Variants in CELF2 observed in about 807,000 individuals in gnomAD.
CELF2 encodes CUGBP Elav-like family member 2.
Under a neutral mutation model 62.6 loss-of-function variants are expected in CELF2, and 8 were observed. The observed-to-expected ratio is 0.13, with a 90% CI of 0.07 to 0.23. The LOEUF (loss-of-function observed/expected upper bound fraction) is 0.23, where lower values mean the gene tolerates loss of function less well. Among genes scored for constraint, CELF2 ranks in the 10% least tolerant of loss-of-function variants. The probability of loss-of-function intolerance (pLI) is 1.00; values close to 1 mark genes in which losing one functional copy is unlikely to be tolerated. For missense variants in CELF2, 333 were observed against 671.0 expected, an observed-to-expected ratio of 0.50 and a Z score of 5.56; for synonymous variants, 258 against 250.0, an observed-to-expected ratio of 1.03 and a Z score of -0.30.
the CELF2 span, among the ~76,000 whole-genome samples, chr10:10,758,938 C>A: frequency 6.6e-6 from 1 of 152,162 alleles, no homozygotes; most frequent in Non-Finnish European, 1.5e-5. Context: ...TTAAAACTGC[C>A]TGTTGAACAA....
At chr10:10,907,615 A>G (rs772361329) in intron 1 of CELF2, among the ~76,000 whole-genome samples, 1 of 148,976 alleles carries the variant, frequency 6.7e-6, no homozygotes, top group Non-Finnish European at 1.5e-5. Context: ...TAGCTCTTTT[A>G]CTGTTGATTC....
rs1046922963 is a variant in CELF2, at chr10:11,255,951, G to T, written c.404-1787G>T. On this transcript the variant is annotated intron_variant, in intron 4 of 12. Transcript: ENST00000633077. This position sits in a 1 kb window ranked among gnomAD's most constrained non-coding sequence, Gnocchi z 5.5. ...CTTGGAGGAGACACAGCAGGGGAAGGAATCCTTGGCTGGGAGGAGGACTCC... is the reference window on the plus strand; with the variant it reads ...CTTGGAGGAGACACAGCAGGGGAAGTAATCCTTGGCTGGGAGGAGGACTCC... Among the ~76,000 whole-genome samples the T allele has an allele frequency of 2.6e-5, 4 of 152,164 alleles. No individual in the cohort carries two copies. The highest frequency in any genetic ancestry group is 9.7e-5 in the African/African-American group (4 of 41,426).
the CELF2 span, among the ~76,000 whole-genome samples, chr10:10,591,892 A>G: frequency 6.6e-6 from 1 of 152,150 alleles, no homozygotes; most frequent in African/African-American, 2.4e-5. Flanking sequence ...GCTACCTGGG[A>G]GTCTATGTGT....
chr10:10,569,392 C>A, the CELF2 span, among the ~76,000 whole-genome samples: 2 of 152,102 alleles, frequency 1.3e-5, no homozygotes, highest in Non-Finnish European at 2.9e-5. Context: ...GACTTACTCA[C>A]TACCACGAGA....
the CELF2 span, among the ~76,000 whole-genome samples, chr10:10,522,239 A>G: frequency 6.6e-6 from 1 of 152,366 alleles, no homozygotes. Flanking sequence ...TTATCAAGAT[A>G]TCGAAAGTAG....
chr10:10,745,133 CAAAAA>C, the CELF2 span, among the ~76,000 whole-genome samples: 1 of 78,612 alleles, frequency 1.3e-5, no homozygotes, highest in African/African-American at 3.9e-5. Flanking sequence ...AAAAACAAAA[CAAAAA>C]AAAACTATGA....
At position 11,075,227 on chromosome 10, in the gene CELF2, G is replaced by C. The variant is rs925692234; in HGVS notation, c.74+57064G>C. ...GCCCCACTCTGTGGCTCCTTCATTT[G>C]TAAGGGATGTTCAGGAGTCATCAGA... On this transcript the variant is annotated intron_variant, in intron 1 of 12. Coordinates refer to ENST00000633077, the MANE Select transcript of CELF2 (RefSeq NM_001326342.2). This position sits in a 1 kb window ranked among gnomAD's most constrained non-coding sequence, Gnocchi z 5.4. 3 of 152,186 alleles carry C rather than the reference G, an allele frequency of 2.0e-5. No individual in the cohort carries two copies. The highest frequency in any genetic ancestry group is 7.2e-5 in the African/African-American group (3 of 41,442). 9.4% of individuals were successfully genotyped at this position (152,186 alleles called of 1,614,324 possible).
intron 2 of CELF2, among the ~76,000 whole-genome samples, chr10:10,921,482 G>C (rs2064905280): frequency 6.6e-6 from 1 of 151,938 alleles, no homozygotes; most frequent in South Asian, 2.1e-4. Flanking sequence ...TTGGCCAGCT[G>C]GTCTCGAACT....
At chr10:10,784,000 A>G in the CELF2 span, among the ~76,000 whole-genome samples, 3 of 152,098 alleles carry the variant, frequency 2.0e-5, no homozygotes, top group Non-Finnish European at 4.4e-5. Flanking sequence ...AAAAAAAAAT[A>G]AATAAAGAAC....
intron 1 of CELF2, among the ~76,000 whole-genome samples, chr10:11,164,265 AG>A (rs1483678965): frequency 6.6e-6 from 1 of 152,172 alleles, no homozygotes; most frequent in Non-Finnish European, 1.5e-5. Context: ...GAGCGGGGGT[AG>A]GGGGCACAAA....
In CELF2 at chr10:10,884,255, T is replaced by TA. The variant is rs373733511; in HGVS notation, c.54-35709_54-35708insA. On this transcript the variant is annotated intron_variant, in intron 1 of 13. Transcript: ENST00000636488. ...TCTATGAAGAACAGCTGTGACTAAATGGGGTTTTCCTAAATGAGGGAGCTG... is the reference window on the plus strand; with the variant it reads ...TCTATGAAGAACAGCTGTGACTAAATAGGGGTTTTCCTAAATGAGGGAGCTG... Among the ~76,000 whole-genome samples the TA allele has an allele frequency of 8.5e-3, 1,288 of 152,256 alleles. 27 individuals are homozygous for TA. Among genetic ancestry groups the TA allele is most frequent in the African/African-American group, 0.029 (1,224 of 41,538 alleles).
chr10:10,640,798 A>G, the CELF2 span, among the ~76,000 whole-genome samples: 1 of 152,240 alleles, frequency 6.6e-6, no homozygotes, highest in African/African-American at 2.4e-5. Context: ...ACTTAACATG[A>G]CAAAATCCTT....
chr10:11,333,093 TCAACCC>T lies in CELF2; in HGVS notation c.*4041_*4046del, dbSNP rs1334395077. ...TCCCCTCCCCATCTCCCTCTCAACCTCAACCCACCTGCATGCATCTCCCCCAGAGGA... is the reference window on the plus strand; with the variant it reads ...TCCCCTCCCCATCTCCCTCTCAACCTACCTGCATGCATCTCCCCCAGAGGA... On this transcript the variant is annotated 3_prime_UTR_variant, in exon 13 of 13. Transcript: ENST00000633077. The T allele has an allele frequency of 6.6e-6, 1 of 151,998 alleles. No individual in the cohort carries two copies. Among genetic ancestry groups the T allele is most frequent in the Non-Finnish European group, 1.5e-5 (1 of 68,002 alleles). The allele number at this position is 151,998 out of a possible 1,614,324, so 9.4% of individuals were successfully genotyped here. A position where few individuals can be genotyped will look rare whatever the true frequency, so the allele number is the denominator to read the frequency against.
chr10:10,736,777 A>G, the CELF2 span, among the ~76,000 whole-genome samples: 863 of 152,258 alleles, frequency 5.7e-3, 3 homozygotes, highest in African/African-American at 0.019. Context: ...GGTTTTACTA[A>G]TAACACACAA....
chr10:10,955,858 G>A (rs748808848), intron 2 of CELF2, among the ~76,000 whole-genome samples: 67 of 152,194 alleles, frequency 4.4e-4, no homozygotes, highest in Non-Finnish European at 7.6e-4. Context: ...GTCCCTTCAA[G>A]TTACTCAAGA....
chr10:11,060,869 C>T (rs943823093), intron 1 of CELF2, among the ~76,000 whole-genome samples: 1 of 152,158 alleles, frequency 6.6e-6, no homozygotes, highest in Non-Finnish European at 1.5e-5. Context: ...GAACAGTTCC[C>T]ATAGAAGACA....
rs76019888 is a variant in CELF2, at chr10:11,260,649, G to GTT, written c.538+2790_538+2791dup. Among the ~76,000 whole-genome samples the GTT allele has an allele frequency of 2.1e-5, 3 of 141,632 alleles. No individual in the cohort carries two copies. The highest frequency in any genetic ancestry group is 1.6e-5 in the Non-Finnish European group (1 of 64,344). The allele number at this position is 141,632 out of a possible 152,430, so 92.9% of individuals were successfully genotyped here. A position where few individuals can be genotyped will look rare whatever the true frequency, so the allele number is the denominator to read the frequency against. Reference sequence around the variant, plus strand: ...GGAGAAAACTTTTCCCTCCCCATCTGTTTTTTTTTTTTTTAAACAGCAGAA... The same window carrying GTT: ...GGAGAAAACTTTTCCCTCCCCATCTGTTTTTTTTTTTTTTTTAAACAGCAGAA... On this transcript the variant is annotated intron_variant, in intron 5 of 12. Transcript: ENST00000633077. The surrounding 1 kb of genome is among the most constrained non-coding windows in gnomAD (Gnocchi z 4.2).
At chr10:10,687,109 T>G in the CELF2 span, among the ~76,000 whole-genome samples, 1 of 152,226 alleles carries the variant, frequency 6.6e-6, no homozygotes, top group Non-Finnish European at 1.5e-5. Flanking sequence ...TGGTGCCGTT[T>G]TTTCATTTCA....
chr10:11,326,052 G>C, intron 12 of CELF2, 73 bp downstream of exon 12: 3 of 1,456,036 alleles, frequency 2.1e-6, no homozygotes, highest in Non-Finnish European at 2.8e-6. Flanking sequence ...GAAAATGTGA[G>C]ACAGTTTCAG....
Sources: gnomAD v4.1 joint callset for allele counts (sites outside exome capture counted in the v4.1 genomes callset) on GRCh38, gnomAD v4.1.1 for gene constraint, Gnocchi (gnomAD v3.1) non-coding constraint, MANE v1.5 for transcripts, NCBI Gene and HGNC (gene_info 2026-07-23, HGNC 2026-07-21) for gene names.